Variants in PKNOX1 observed in about 807,000 individuals in gnomAD.
PKNOX1 encodes the protein PBX/knotted 1 homeobox 1, also known as homeobox protein PKNOX1.
In PKNOX1, 15 loss-of-function variants were observed where a neutral mutation model predicts 51.9. The observed-to-expected ratio is 0.29, with a 90% CI of 0.19 to 0.45. PKNOX1 has a LOEUF of 0.45. Ranked by LOEUF, PKNOX1 falls within the 20% of genes least tolerant of loss-of-function variation. The pLI is 1.00. For missense variants in PKNOX1, 462 were observed against 547.5 expected, an observed-to-expected ratio of 0.84 and a Z score of 1.56; for synonymous variants, 219 against 211.1, an observed-to-expected ratio of 1.04 and a Z score of -0.32.
chr21:43,027,186 A>G (rs1980019307), intron 9 of PKNOX1, among the ~76,000 whole-genome samples: 1 of 152,188 alleles, frequency 6.6e-6, no homozygotes, highest in South Asian at 2.1e-4. Context: ...GAGGTCAACT[A>G]CTTTATCATT....
intron 5 of PKNOX1, among the ~76,000 whole-genome samples, chr21:43,015,495 G>A (rs1203565532): frequency 6.6e-6 from 1 of 152,022 alleles, no homozygotes; most frequent in Non-Finnish European, 1.5e-5. Context: ...CTAATATTTT[G>A]TTCAGCATTT....
intron 8 of PKNOX1, among the ~76,000 whole-genome samples, chr21:43,022,362 A>G (rs1979800848): frequency 2.0e-5 from 3 of 151,906 alleles, no homozygotes; most frequent in Admixed American, 1.3e-4. Flanking sequence ...GCCCGTAGCC[A>G]TCTCGCCATT....
chr21:42,975,792 A>T (rs1056520454), intron 1 of PKNOX1, among the ~76,000 whole-genome samples: 1 of 152,176 alleles, frequency 6.6e-6, no homozygotes, highest in East Asian at 1.9e-4. Flanking sequence ...CAACTCTACG[A>T]GAGTTTGCTT....
At chr21:43,022,869 C>T (rs2146290005) in intron 8 of PKNOX1, among the ~76,000 whole-genome samples, 1 of 152,202 alleles carries the variant, frequency 6.6e-6, no homozygotes, top group Admixed American at 6.5e-5. Flanking sequence ...CAAAAGGCAG[C>T]ATGTTGGTAT....
chr21:43,018,271 T>A, intron 7 of PKNOX1, 41 bp downstream of exon 7: 1 of 1,301,272 alleles, frequency 7.7e-7, no homozygotes, highest in Non-Finnish European at 1.1e-6. Flanking sequence ...GGGCGAGTGC[T>A]GCCCACATAG....
In PKNOX1 at chr21:42,992,032, T is replaced by A. The variant is rs377032503; in HGVS notation, c.-56-12294T>A. Among the ~76,000 whole-genome samples, 8 of 152,354 alleles carry A rather than the reference T, an allele frequency of 5.3e-5. No homozygotes were observed. The South Asian group carries it at 6.2e-4, about 12-fold the overall frequency. Reference sequence around the variant, plus strand: ...ACAGGACATCACTTTCTTCAGACCCTGCAGAGCATGTTACACTCATGTGGC... The same window carrying A: ...ACAGGACATCACTTTCTTCAGACCCAGCAGAGCATGTTACACTCATGTGGC... On this transcript the variant is annotated intron_variant, in intron 1 of 10. Coordinates refer to ENST00000291547, the MANE Select transcript of PKNOX1 (RefSeq NM_004571.5).
intron 1 of PKNOX1, among the ~76,000 whole-genome samples, chr21:42,978,837 C>G (rs2059011924): frequency 6.6e-6 from 1 of 152,030 alleles, no homozygotes; most frequent in Non-Finnish European, 1.5e-5. Flanking sequence ...CCAGGCAGGT[C>G]TCAAACTCCT....
rs910084513 is a variant in PKNOX1 at position 43,013,226 on chromosome 21, A to G, written c.510A>G (p.Pro170=). 2 of 1,602,056 alleles carry G rather than the reference A, an allele frequency of 1.2e-6. No homozygotes were observed. Among genetic ancestry groups the G allele is most frequent in the African/African-American group, 1.3e-5 (1 of 74,472 alleles). Residue 170 remains proline, a synonymous_variant, in exon 5 of 11, where the codon CCA becomes CCG. Transcript: ENST00000291547. ...GAGAGCCTGGAAGCCCGTACTCACC[A>G]GTGCAGTCCCAGGTACTTACATTTG... The part of the protein sequence containing the change: ...LSGEPGSPYS[P]VQSQQIQSAI...
At chr21:42,974,808 C>T (rs2072615792) in intron 1 of PKNOX1, 144 bp downstream of exon 1, 1 of 150,592 alleles carries the variant, frequency 6.6e-6, no homozygotes, top group Non-Finnish European at 1.5e-5. Flanking sequence ...CGAGGGCCCG[C>T]ATTTGACCCG....
chr21:43,033,548 CA>C lies in PKNOX1; in HGVS notation c.*3450del, dbSNP rs1478514793. 1 of 152,376 alleles carries C rather than the reference CA, an allele frequency of 6.6e-6. No individual in the cohort carries two copies. Among genetic ancestry groups the C allele is most frequent in the Admixed American group, 6.6e-5 (1 of 15,262 alleles). 9.4% of individuals were successfully genotyped at this position (152,376 alleles called of 1,614,324 possible). ...GATTTTTGTGAAGCAATTGATTTAT[CA>C]AAGCAAAAAAATTAAAAATAGAAAC... is the stretch of plus-strand genomic sequence containing the variant. On this transcript the variant is annotated 3_prime_UTR_variant, in exon 11 of 11. Coordinates refer to ENST00000291547, the MANE Select transcript of PKNOX1 (RefSeq NM_004571.5).
chr21:42,999,066 C>T (rs760330820), intron 1 of PKNOX1, among the ~76,000 whole-genome samples: 3 of 152,254 alleles, frequency 2.0e-5, no homozygotes, highest in Non-Finnish European at 2.9e-5. Context: ...TCTGCCTGGA[C>T]ATCCAGGCAC....
intron 1 of PKNOX1, among the ~76,000 whole-genome samples, chr21:42,983,251 A>C (rs955965221): frequency 6.6e-6 from 1 of 152,020 alleles, no homozygotes; most frequent in African/African-American, 2.4e-5. Context: ...AGAACCCTTC[A>C]TCTTGTAAAA....
chr21:43,017,758 C>T lies in PKNOX1; in HGVS notation c.623-375C>T, dbSNP rs1247375710. ...TGTGGGCTGCCAGGCACATAGCGCC[C>T]ACCCACCTGCCCACCCACTGCTGCA... On this transcript the variant is annotated intron_variant, in intron 6 of 10. Transcript: ENST00000291547. 4 of 180,736 alleles carry T rather than the reference C, an allele frequency of 2.2e-5. No homozygotes were observed. The Admixed American group carries it at 2.3e-4, about 10-fold the overall frequency. 11.2% of individuals were successfully genotyped at this position (180,736 alleles called of 1,614,324 possible).
chr21:43,017,122 A>G (rs1361587442), intron 6 of PKNOX1, 115 bp downstream of exon 6: 1 of 646,596 alleles, frequency 1.5e-6, no homozygotes, highest in African/African-American at 1.8e-5. Flanking sequence ...CTAATATAGC[A>G]ATGTTAGAAG....
intron 3 of PKNOX1, among the ~76,000 whole-genome samples, chr21:43,009,221 T>C (rs1601291088): frequency 1.3e-5 from 2 of 151,488 alleles, no homozygotes; most frequent in South Asian, 4.2e-4. Flanking sequence ...GCTGAGGCGG[T>C]TGGATCATCT....
intron 1 of PKNOX1, among the ~76,000 whole-genome samples, chr21:42,975,078 C>A (rs1267212346): frequency 7.0e-6 from 1 of 142,796 alleles, no homozygotes; most frequent in African/African-American, 2.5e-5. Flanking sequence ...CCGGCGCGGG[C>A]GGGGCGGCGG....
intron 9 of PKNOX1, among the ~76,000 whole-genome samples, chr21:43,025,607 G>A (rs993676089): frequency 2.0e-5 from 3 of 152,204 alleles, no homozygotes; most frequent in African/African-American, 7.2e-5. Flanking sequence ...GGGCTTGTGC[G>A]TGTTCCTAGG....
chr21:43,003,607 C>G (rs1486055669), intron 1 of PKNOX1, among the ~76,000 whole-genome samples: 1 of 152,166 alleles, frequency 6.6e-6, no homozygotes, highest in Non-Finnish European at 1.5e-5. Context: ...GGGAAAGCAG[C>G]CCAGGCCCCC....
Position 43,017,018 on chromosome 21 carries a change from A to G in PKNOX1, c.622+11A>G, listed in dbSNP as rs369556866. The stretch of plus-strand genomic sequence containing the variant: ...TGGCGACGGTGGCAGGTACGATGAC[A>G]GAAAAATGGACACACTCTCCATGAG... On this transcript the variant is annotated intron_variant, in intron 6 of 10. Transcript: ENST00000291547. 2.5e-6 allele frequency: 4 copies of G among 1,585,368 alleles called. No individual in the cohort carries two copies. The highest frequency in any genetic ancestry group is 1.3e-5 in the African/African-American group (1 of 74,558).
Sources: allele counts gnomAD v4.1 joint callset (sites outside exome capture counted in the v4.1 genomes callset), GRCh38; gene constraint gnomAD v4.1.1; transcripts MANE v1.5; gene names NCBI Gene and HGNC (gene_info 2026-07-23, HGNC 2026-07-21).